The following HERC5 variants were observed in gnomAD, a reference collection of about 807,000 sequenced individuals.
The protein encoded by HERC5 is HECT and RLD domain containing E3 ubiquitin protein ligase 5.
In HERC5, 99 loss-of-function variants were observed where a neutral mutation model predicts 119.6. That is an observed-to-expected ratio of 0.83 (90% CI 0.70 to 0.98). HERC5 has a LOEUF of 0.98. HERC5 is among the 50% of genes least tolerant of loss of function. HERC5 has a pLI of 0.00. For synonymous variants in HERC5, 478 were observed against 445.9 expected (o/e 1.07, Z -0.91); for missense variants, 1,267 against 1,241.3 (o/e 1.02, Z -0.31).
intron 13 of HERC5, 72 bp downstream of exon 13, chr4:88,479,579 A>G (rs1741204266): frequency 7.7e-7 from 1 of 1,290,654 alleles, no homozygotes; most frequent in African/African-American, 1.5e-5. Context: ...GCTGGCTTGA[A>G]TCTTTAAGTA....
In HERC5 at chr4:88,462,152, T is replaced by A. The variant is rs1313654825; in HGVS notation, c.484T>A (p.Trp162Arg). 1 of 1,613,954 alleles carries A rather than the reference T, an allele frequency of 6.2e-7. No homozygotes were observed. The highest frequency in any genetic ancestry group is 1.1e-5 in the South Asian group (1 of 90,980). The part of the protein sequence containing the change: ...ALSKGGELFA[W>R]GQNLHGQLGV... ...ATGTCAAGGTGGTGAGCTTTTTGCCTGGGGACAGAACCTGCATGGGCAGCT... is the reference window on the plus strand; with the variant it reads ...ATGTCAAGGTGGTGAGCTTTTTGCCAGGGGACAGAACCTGCATGGGCAGCT... The change falls in exon 4 of 23, where the codon TGG becomes AGG. Residue 162 changes from tryptophan to arginine, a missense_variant. Trp to Arg is a moderately radical substitution (Grantham distance 101, BLOSUM62 -3). This residue lies in a region of HERC5 where 777 missense variants were observed against 758.0 expected (regional missense o/e 1.03). Transcript: ENST00000264350.
intron 1 of HERC5, among the ~76,000 whole-genome samples, chr4:88,459,055 TTAA>T (rs1740308069): frequency 6.6e-6 from 1 of 152,212 alleles, no homozygotes; most frequent in Non-Finnish European, 1.5e-5. Flanking sequence ...TTCGTTCGTC[TTAA>T]TAAACAAGAA....
At chr4:88,468,293 A>G (rs893142240) in intron 7 of HERC5, 53 bp from the exon 8 acceptor site, 3 of 1,224,524 alleles carry the variant, frequency 2.4e-6, no homozygotes, top group African/African-American at 3.0e-5. Context: ...TTGAACATGC[A>G]TGTTTGTGCC....
intron 4 of HERC5, among the ~76,000 whole-genome samples, chr4:88,463,273 G>C (rs1258019034): frequency 6.6e-6 from 1 of 152,218 alleles, no homozygotes. Flanking sequence ...AGTGAATCAA[G>C]TCATAACTGA....
At chr4:88,481,161 T>C (rs1376580649) in intron 13 of HERC5, among the ~76,000 whole-genome samples, 1 of 152,192 alleles carries the variant, frequency 6.6e-6, no homozygotes, top group Non-Finnish European at 1.5e-5. Context: ...CCTGTGATCC[T>C]CCCACTTCAG....
intron 4 of HERC5, among the ~76,000 whole-genome samples, chr4:88,463,072 A>G (rs1291947467): frequency 6.6e-6 from 1 of 152,250 alleles, no homozygotes; most frequent in Non-Finnish European, 1.5e-5. Context: ...CAAAGGAGAG[A>G]AGAGAATAAA....
At chr4:88,469,360 T>G in intron 9 of HERC5, 100 bp downstream of exon 9, 1 of 777,276 alleles carries the variant, frequency 1.3e-6, no homozygotes, top group East Asian at 2.6e-5. Flanking sequence ...GTCAGGGTTT[T>G]CCAGAGAAAC....
At chr4:88,494,587 A>G (rs1004594989) in intron 18 of HERC5, among the ~76,000 whole-genome samples, 1 of 152,256 alleles carries the variant, frequency 6.6e-6, no homozygotes, top group Non-Finnish European at 1.5e-5. Flanking sequence ...TCATGCACAG[A>G]GCACAGGTTA....
At chr4:88,497,767 TAA>T (rs1027177862) in intron 18 of HERC5, among the ~76,000 whole-genome samples, 35 of 152,116 alleles carry the variant, frequency 2.3e-4, no homozygotes, top group Non-Finnish European at 2.2e-4. Context: ...TTTTTATTAA[TAA>T]AGAGGTTAGT....
chr4:88,489,256 G>A lies in HERC5; in HGVS notation c.2053G>A (p.Val685Ile). The A allele has an allele frequency of 6.2e-7, 1 of 1,614,052 alleles. No homozygotes were observed. The highest frequency in any genetic ancestry group is 8.5e-7 in the Non-Finnish European group (1 of 1,179,922). ...FALRPTFDLT[V>I]RRNHLIEDVL... ...TTTGAGGCCCACGTTTGATCTAACA[G>A]TCAGAAGGAATCACTTGATTGAGGA... The change falls in exon 16 of 23, where the codon GTC becomes ATC. Residue 685 changes from valine (V) to isoleucine (I), a missense_variant. Physicochemically the swap from Val to Ile is conservative, Grantham distance 29. Transcript: ENST00000264350.
chr4:88,479,324 A>T (rs564317927), intron 12 of HERC5, 29 bp from the exon 13 acceptor site: 24 of 1,520,450 alleles, frequency 1.6e-5, no homozygotes, highest in Middle Eastern at 3.6e-4. Flanking sequence ...CTCATTTTTT[A>T]AAAAATTTGC....
At chr4:88,465,872 G>A (rs997377299) in intron 6 of HERC5, among the ~76,000 whole-genome samples, 1 of 152,222 alleles carries the variant, frequency 6.6e-6, no homozygotes, top group African/African-American at 2.4e-5. Flanking sequence ...CCTCCCCTTG[G>A]AGCAGGTGGA....
chr4:88,489,030 G>C (rs1159846248), intron 15 of HERC5, 136 bp from the exon 16 acceptor site: 16 of 603,982 alleles, frequency 2.6e-5, no homozygotes, highest in Admixed American at 6.3e-5. Flanking sequence ...TTTATCTTCA[G>C]TGGTGCATAT....
intron 7 of HERC5, among the ~76,000 whole-genome samples, chr4:88,468,140 C>T (rs1271104353): frequency 6.6e-6 from 1 of 152,052 alleles, no homozygotes; most frequent in South Asian, 2.1e-4. Flanking sequence ...ACATGTCCAC[C>T]TTGTGAATTA....
Position 88,504,592 on chromosome 4 carries a change from T to C in HERC5, c.2864T>C (p.Phe955Ser). Reference protein sequence around the residue: ...HKLTLEEKKKFLVFLTGTDRL... With the variant: ...HKLTLEEKKKSLVFLTGTDRL... Reference sequence around the variant, plus strand: ...TTGACTCTGGAAGAAAAGAAAAAATTCCTTGGTAAGTATTATATCAAGGAA... The same window carrying C: ...TTGACTCTGGAAGAAAAGAAAAAATCCCTTGGTAAGTATTATATCAAGGAA... The change falls in exon 22 of 23, where the codon TTC becomes TCC. Residue 955 changes from phenylalanine (F) to serine (S), a missense_variant. Coordinates refer to ENST00000264350, the MANE Select transcript of HERC5 (RefSeq NM_016323.4). 6.5e-7 allele frequency: 1 copy of C among 1,546,622 alleles called. No homozygotes were observed. The highest frequency in any genetic ancestry group is 8.7e-7 in the Non-Finnish European group (1 of 1,148,414).
Position 88,505,921 on chromosome 4 carries a change from T to TTGC in HERC5, c.*45_*46insCTG. 1 of 1,041,152 alleles carries TTGC rather than the reference T, an allele frequency of 9.6e-7. No homozygotes were observed. Among genetic ancestry groups the TTGC allele is most frequent in the Non-Finnish European group, 1.4e-6 (1 of 720,542 alleles). The allele number at this position is 1,041,152 out of a possible 1,614,324, so 64.5% of individuals were successfully genotyped here. A position where few individuals can be genotyped will look rare whatever the true frequency, so the allele number is the denominator to read the frequency against. ...CAGCCTTATTTTGTTGTTGTTATCG[T>TTGC]TGTTGTTGTTGTTGTTGTTGTTGTT... On this transcript the variant is annotated 3_prime_UTR_variant, in exon 23 of 23. Transcript: ENST00000264350.
At chr4:88,504,052 G>T (rs1742030388) in intron 20 of HERC5, among the ~76,000 whole-genome samples, 180 bp from the exon 21 acceptor site, 1 of 150,548 alleles carries the variant, frequency 6.6e-6, no homozygotes, top group South Asian at 2.1e-4. Flanking sequence ...AGGTGACAGT[G>T]CGAGACTCCG....
At chr4:88,500,465 G>A (rs957058756) in intron 19 of HERC5, among the ~76,000 whole-genome samples, 1 of 152,234 alleles carries the variant, frequency 6.6e-6, no homozygotes, top group Non-Finnish European at 1.5e-5. Context: ...TTCTGCTTCT[G>A]TCAGATCCCA....
In HERC5 at chr4:88,493,126, G is replaced by A. The variant is rs138084118; in HGVS notation, c.2248G>A (p.Gly750Arg). The A allele has an allele frequency of 1.2e-6, 2 of 1,613,952 alleles. No homozygotes were observed. Among genetic ancestry groups the A allele is most frequent in the Admixed American group, 3.3e-5 (2 of 59,994 alleles). Residue 750 changes from glycine (G) to arginine (R), a missense_variant, in exon 17 of 23, where the codon GGG becomes AGG. Physicochemically the swap from Gly to Arg is moderately radical, Grantham distance 125. Around this residue, in one of 3 missense-constraint regions of HERC5, gnomAD observed 473 missense variants for 445.7 expected, o/e 1.06. Transcript: ENST00000264350. Reference sequence around the variant, plus strand: ...ATATGGGATGTTCATGTATCCTGAAGGGGCTTCCTGCATGTGGTTTCCTGT... The same window carrying A: ...ATATGGGATGTTCATGTATCCTGAAAGGGCTTCCTGCATGTGGTTTCCTGT... ...PEYGMFMYPE[G>R]ASCMWFPVKP...
Sources: gnomAD v4.1 joint callset for allele counts (sites outside exome capture counted in the v4.1 genomes callset) on GRCh38, gnomAD v4.1.1 for gene constraint, gnomAD v4.1.1 regional missense constraint, MANE v1.5 for transcripts, NCBI Gene and HGNC (gene_info 2026-07-23, HGNC 2026-07-21) for gene names.